The following SIPA1L3 variants were observed in gnomAD, a reference collection of about 807,000 sequenced individuals.
SIPA1L3 encodes signal-induced proliferation-associated 1-like protein 3.
In SIPA1L3, 59 loss-of-function variants were observed where a neutral mutation model predicts 150.1. The ratio of observed to expected loss-of-function variants is 0.39; its 90% CI spans 0.32 to 0.49. SIPA1L3 has a LOEUF of 0.49. SIPA1L3 is among the 20% of genes least tolerant of loss of function. The pLI is 0.86. For missense variants in SIPA1L3, 2,211 were observed against 2,489.5 expected, an observed-to-expected ratio of 0.89 and a Z score of 2.38; for synonymous variants, 1,070 against 1,077.6, an observed-to-expected ratio of 0.99 and a Z score of 0.14.
chr19:38,118,421 G>C (rs1386821659), intron 8 of SIPA1L3, among the ~76,000 whole-genome samples: 1 of 152,094 alleles, frequency 6.6e-6, no homozygotes, highest in Non-Finnish European at 1.5e-5. Flanking sequence ...CAAACTGTAA[G>C]ATCTGCCACA....
rs116101756 is a variant in SIPA1L3, at chr19:37,969,878, A to T, written c.-378-59211A>T. Reference sequence around the variant, plus strand: ...TGTTATTCCTGCTTGGCAAAGCTTCATAGCAGTTATCATAATATTTAATTA... The same window carrying T: ...TGTTATTCCTGCTTGGCAAAGCTTCTTAGCAGTTATCATAATATTTAATTA... On this transcript the variant is annotated intron_variant, in intron 1 of 21. Transcript: ENST00000222345. 2.4e-3 allele frequency among the ~76,000 whole-genome samples: 372 copies of T among 152,272 alleles called. 1 individual carries two copies. Among genetic ancestry groups the T allele is most frequent in the African/African-American group, 8.5e-3 (352 of 41,558 alleles).
intron 15 of SIPA1L3, among the ~76,000 whole-genome samples, chr19:38,168,570 C>G (rs1362895618): frequency 6.6e-6 from 1 of 152,064 alleles, no homozygotes; most frequent in East Asian, 1.9e-4. Flanking sequence ...CCTCAGGTCT[C>G]GATTGCAGTA....
chr19:38,176,932 T>C (rs1972447185), intron 15 of SIPA1L3, among the ~76,000 whole-genome samples: 1 of 148,922 alleles, frequency 6.7e-6, no homozygotes, highest in South Asian at 2.1e-4. Flanking sequence ...GATCATGCCA[T>C]TGCACTCCAG....
chr19:37,933,303 C>T (rs545562158), intron 1 of SIPA1L3, among the ~76,000 whole-genome samples: 73 of 152,130 alleles, frequency 4.8e-4, no homozygotes, highest in African/African-American at 1.6e-3. Context: ...TCCCCAGCGC[C>T]GCCTCCCTCC....
rs34874664 is a variant in SIPA1L3 at position 38,018,156 on chromosome 19, CTTTTTTTTTTTTTTT to C, written c.-378-10921_-378-10907del. Among the ~76,000 whole-genome samples the C allele has an allele frequency of 6.5e-5, 4 of 61,328 alleles. 1 individual carries two copies. Among genetic ancestry groups the C allele is most frequent in the African/African-American group, 2.9e-4 (4 of 13,660 alleles). 40.2% of individuals were successfully genotyped at this position (61,328 alleles called of 152,430 possible). A position where few individuals can be genotyped will look rare whatever the true frequency, so the allele number is the denominator to read the frequency against. On this transcript the variant is annotated intron_variant, in intron 1 of 21. Transcript: ENST00000222345. ...TCAGTCTGGATAGCCCTTTGAGTGT[CTTTTTTTTTTTTTTT>C]TTTTTTTTTTTAGGCAGAGTCTTGC...
At chr19:38,049,797 C>T (rs1041357122) in intron 2 of SIPA1L3, among the ~76,000 whole-genome samples, 2 of 152,064 alleles carry the variant, frequency 1.3e-5, no homozygotes, top group Admixed American at 6.5e-5. Flanking sequence ...AGGAGGGTCC[C>T]GCTTCCCCAT....
chr19:38,086,232 T>C (rs1970128548), intron 3 of SIPA1L3, among the ~76,000 whole-genome samples: 1 of 152,056 alleles, frequency 6.6e-6, no homozygotes, highest in African/African-American at 2.4e-5. Flanking sequence ...TACAAATACG[T>C]ACATGAAAGG....
chr19:37,923,740 T>C (rs1313141640), intron 1 of SIPA1L3, among the ~76,000 whole-genome samples: 2 of 152,186 alleles, frequency 1.3e-5, no homozygotes, highest in Non-Finnish European at 2.9e-5. Flanking sequence ...AACTTCTAAA[T>C]TTCTTAACTG....
intron 1 of SIPA1L3, among the ~76,000 whole-genome samples, chr19:37,966,382 A>C (rs1238490580): frequency 6.6e-6 from 1 of 152,096 alleles, no homozygotes; most frequent in African/African-American, 2.4e-5. Context: ...GTTTGGACAG[A>C]GCTCCCTTTC....
chr19:38,101,123 CAAT>C lies in SIPA1L3; in HGVS notation c.1927_1929del (p.Asn643del). 2 of 1,611,372 alleles carry C rather than the reference CAAT, an allele frequency of 1.2e-6. No homozygotes were observed. The highest frequency in any genetic ancestry group is 1.7e-6 in the Non-Finnish European group (2 of 1,179,242). ...AGAGCTCCGAGGAGGAGATGTACAA[CAAT>C]GAGGAGGCCGGCCCCGCCTTTGAGG... On this transcript the variant is annotated inframe_deletion, in exon 6 of 22. Coordinates refer to ENST00000222345, the MANE Select transcript of SIPA1L3 (RefSeq NM_015073.3).
rs776734721 is a variant in SIPA1L3, at chr19:38,197,130, G to A, written c.4841-1259G>A. Among the ~76,000 whole-genome samples, 7 of 152,120 alleles carry A rather than the reference G, an allele frequency of 4.6e-5. 1 individual carries two copies. Among genetic ancestry groups the A allele is most frequent in the East Asian group, 3.9e-4 (2 of 5,148 alleles). On this transcript the variant is annotated intron_variant, in intron 18 of 21. Transcript: ENST00000222345. The stretch of plus-strand genomic sequence containing the variant: ...ATGAGCAGAGATCATGTCACCCCCC[G>A]CCTCCGCCAGCCTCACAGTGAGGCT...
At chr19:38,156,484 G>A (rs1971951788) in intron 13 of SIPA1L3, among the ~76,000 whole-genome samples, 2 of 149,632 alleles carry the variant, frequency 1.3e-5, no homozygotes, top group Admixed American at 1.3e-4. Flanking sequence ...TAAAATTGCC[G>A]CCGCCATACA....
At chr19:38,087,046 CTTGCTAAACTGACT>C (rs1470870175) in intron 3 of SIPA1L3, among the ~76,000 whole-genome samples, 1 of 152,160 alleles carries the variant, frequency 6.6e-6, no homozygotes, top group Admixed American at 6.6e-5. Context: ...GGGCAGGGTT[CTTGCTAAACTGACT>C]TAGCGCAGGG....
At chr19:37,993,800 A>T (rs1967570125) in intron 1 of SIPA1L3, among the ~76,000 whole-genome samples, 1 of 152,208 alleles carries the variant, frequency 6.6e-6, no homozygotes, top group Non-Finnish European at 1.5e-5. Flanking sequence ...AGAGGATTCC[A>T]CCAGATTGTT....
chr19:38,091,561 G>A (rs1204028574), intron 4 of SIPA1L3, among the ~76,000 whole-genome samples: 2 of 152,172 alleles, frequency 1.3e-5, no homozygotes, highest in Non-Finnish European at 2.9e-5. Flanking sequence ...ATTTACAGAT[G>A]ACAGAACAGG....
intron 1 of SIPA1L3, among the ~76,000 whole-genome samples, chr19:38,014,920 C>T (rs990876532): frequency 6.6e-6 from 1 of 152,150 alleles, no homozygotes; most frequent in Non-Finnish European, 1.5e-5. Flanking sequence ...CCACCCACCT[C>T]GGCCTCCCAA....
intron 1 of SIPA1L3, among the ~76,000 whole-genome samples, chr19:37,993,413 C>T (rs940044390): frequency 6.6e-6 from 1 of 152,178 alleles, no homozygotes; most frequent in Non-Finnish European, 1.5e-5. Flanking sequence ...CTCACTGCAA[C>T]CTCCGCCTCC....
At chr19:38,180,257 T>C (rs1022369828) in intron 15 of SIPA1L3, among the ~76,000 whole-genome samples, 8 of 152,238 alleles carry the variant, frequency 5.3e-5, no homozygotes, top group African/African-American at 1.9e-4. Flanking sequence ...TTAACAGTTG[T>C]TTTCTTTCAG....
chr19:37,968,364 G>A (rs1181344010), intron 1 of SIPA1L3, among the ~76,000 whole-genome samples: 2 of 152,180 alleles, frequency 1.3e-5, no homozygotes, highest in Admixed American at 6.5e-5. Context: ...GAGCCACCGC[G>A]CCCGGCCGGC....
Sources: allele counts gnomAD v4.1 joint callset (sites outside exome capture counted in the v4.1 genomes callset), GRCh38; gene constraint gnomAD v4.1.1; transcripts MANE v1.5; gene names NCBI Gene and HGNC (gene_info 2026-07-23, HGNC 2026-07-21).